PXDNL: variants seen among roughly 807,000 people sequenced by gnomAD.
PXDNL encodes the protein probable oxidoreductase PXDNL.
A neutral mutation model predicts 150.8 loss-of-function variants in PXDNL; 145 were observed. The ratio of observed to expected loss-of-function variants is 0.96; its 90% CI spans 0.84 to 1.10. PXDNL has a LOEUF of 1.10. Ranked by LOEUF, PXDNL falls within the 50% of genes least tolerant of loss-of-function variation. The probability of loss-of-function intolerance (pLI) is 0.00; values close to 1 mark genes in which losing one functional copy is unlikely to be tolerated. For missense variants in PXDNL, 2,087 were observed against 1,873.9 expected (o/e 1.11, Z -2.10); for synonymous variants, 757 against 725.7 (o/e 1.04, Z -0.69).
intron 17 of PXDNL, among the ~76,000 whole-genome samples, chr8:51,390,397 AG>A (rs1260114419): frequency 2.0e-5 from 3 of 152,182 alleles, no homozygotes; most frequent in Non-Finnish European, 2.9e-5. Context: ...AAGATCACAA[AG>A]TTAATTACTA....
chr8:51,465,124 C>A (rs573482263), intron 8 of PXDNL, among the ~76,000 whole-genome samples: 1 of 152,180 alleles, frequency 6.6e-6, no homozygotes, highest in East Asian at 1.9e-4. Context: ...GGGCCAGTAT[C>A]CCTGATAAAC....
chr8:51,573,569 T>A (rs1812989344), intron 3 of PXDNL, among the ~76,000 whole-genome samples: 1 of 151,942 alleles, frequency 6.6e-6, no homozygotes, highest in African/African-American at 2.4e-5. Flanking sequence ...GAGCCCGCAC[T>A]CCCAACTCCA....
At chr8:51,754,172 TCTTA>T (rs1379569320) in intron 1 of PXDNL, among the ~76,000 whole-genome samples, 1 of 152,318 alleles carries the variant, frequency 6.6e-6, no homozygotes, top group East Asian at 1.9e-4. Context: ...TAAAAGCAGT[TCTTA>T]CTTCACATAT....
chr8:51,749,395 G>A (rs1184323464), intron 1 of PXDNL, among the ~76,000 whole-genome samples: 1 of 152,100 alleles, frequency 6.6e-6, no homozygotes, highest in African/African-American at 2.4e-5. Context: ...TAGGCTATAT[G>A]GTATACCCAT....
intron 17 of PXDNL, among the ~76,000 whole-genome samples, chr8:51,399,515 G>T (rs985285834): frequency 1.3e-5 from 2 of 152,188 alleles, no homozygotes; most frequent in Non-Finnish European, 2.9e-5. Flanking sequence ...TGAAGTTCTA[G>T]AAGAGACAAA....
chr8:51,743,976 G>C (rs1166312992), intron 1 of PXDNL, among the ~76,000 whole-genome samples: 1 of 130,128 alleles, frequency 7.7e-6, no homozygotes, highest in Non-Finnish European at 1.7e-5. Flanking sequence ...AGAGAAAAAA[G>C]AAAGGAAGGA....
intron 10 of PXDNL, among the ~76,000 whole-genome samples, chr8:51,450,803 G>C (rs1809790098): frequency 6.6e-6 from 1 of 152,128 alleles, no homozygotes; most frequent in East Asian, 1.9e-4. Context: ...GCACAGATGA[G>C]AAAATTCAGA....
chr8:51,422,381 C>G (rs974101232), intron 14 of PXDNL, among the ~76,000 whole-genome samples: 4 of 152,106 alleles, frequency 2.6e-5, no homozygotes. Flanking sequence ...TTGGGGACCA[C>G]TGACCTAGGC....
intron 5 of PXDNL, among the ~76,000 whole-genome samples, chr8:51,491,255 C>T (rs978900315): frequency 9.2e-5 from 14 of 152,066 alleles, no homozygotes; most frequent in African/African-American, 3.4e-4. Flanking sequence ...AATAAACTCC[C>T]TTTTTTATAC....
In PXDNL at chr8:51,386,545, T is replaced by G. The variant is rs1037376693; in HGVS notation, c.3558-11814A>C. ...GTGATAGATGACTGATAAAGAGAGG[T>G]AGAGATGATATAGATAGATAAGAGA... On this transcript the variant is annotated intron_variant, in intron 17 of 22. Transcript: ENST00000356297. Among the ~76,000 whole-genome samples, 6 of 151,564 alleles carry G rather than the reference T, an allele frequency of 4.0e-5. No individual in the cohort carries two copies. The South Asian group carries it at 1.2e-3, about 32-fold the overall frequency.
At chr8:51,535,527 G>C (rs376191498) in intron 4 of PXDNL, among the ~76,000 whole-genome samples, 4,632 of 124,504 alleles carry the variant, frequency 0.037, 129 homozygotes, top group Non-Finnish European at 0.056. Context: ...CAGCATGCTC[G>C]TTAAGAGTCA....
intron 19 of PXDNL, among the ~76,000 whole-genome samples, chr8:51,348,261 T>C (rs1340972159): frequency 6.6e-6 from 1 of 152,212 alleles, no homozygotes; most frequent in Non-Finnish European, 1.5e-5. Context: ...TTTAGAAAGA[T>C]GAAGCTTTAG....
At chr8:51,324,403 G>T (rs7016775) in intron 21 of PXDNL, among the ~76,000 whole-genome samples, 1 of 151,968 alleles carries the variant, frequency 6.6e-6, no homozygotes, top group Admixed American at 6.5e-5. Context: ...TCACCATTCA[G>T]CATGTAAATG....
At chr8:51,700,769 TAC>T (rs1359966097) in intron 1 of PXDNL, among the ~76,000 whole-genome samples, 10 of 151,274 alleles carry the variant, frequency 6.6e-5, no homozygotes, top group Non-Finnish European at 1.3e-4. Flanking sequence ...CACACACATA[TAC>T]ACACATACAC....
intron 1 of PXDNL, among the ~76,000 whole-genome samples, chr8:51,794,304 A>T (rs1312815123): frequency 6.6e-6 from 1 of 152,150 alleles, no homozygotes; most frequent in African/African-American, 2.4e-5. Context: ...AAATTCAGGA[A>T]ATCCAGAGAA....
At chr8:51,717,879 G>A (rs1404083777) in intron 1 of PXDNL, among the ~76,000 whole-genome samples, 1 of 152,214 alleles carries the variant, frequency 6.6e-6, no homozygotes, top group Non-Finnish European at 1.5e-5. Flanking sequence ...ACCAGAGTCA[G>A]CTGCCACTCC....
chr8:51,558,488 GACTTCTA>G (rs1812642332), intron 3 of PXDNL, among the ~76,000 whole-genome samples: 1 of 152,018 alleles, frequency 6.6e-6, no homozygotes, highest in Non-Finnish European at 1.5e-5. Context: ...TAAAGAAGTT[GACTTCTA>G]CTGAGAGGCA....
rs1211116158 is a variant in PXDNL, at chr8:51,666,336, C to A, written c.165-11576G>T. On this transcript the variant is annotated intron_variant, in intron 1 of 22. Coordinates refer to ENST00000356297, the MANE Select transcript of PXDNL (RefSeq NM_144651.5). ...GAGCCCTCTTCCCTCTTCCCTTGAC[C>A]TTCCTTTAGCAATTCCATCCACTGT... is the stretch of plus-strand genomic sequence containing the variant. Among the ~76,000 whole-genome samples the A allele has an allele frequency of 2.0e-5, 3 of 152,110 alleles. No individual in the cohort carries two copies. In the East Asian group the frequency reaches 5.8e-4, roughly 29 times the overall value.
intron 2 of PXDNL, among the ~76,000 whole-genome samples, chr8:51,600,327 C>A (rs1383411892): frequency 1.6e-5 from 2 of 121,764 alleles, no homozygotes; most frequent in Non-Finnish European, 3.2e-5. Context: ...TAAATTATAT[C>A]TTATATAAAT....
Sources: allele counts gnomAD v4.1 joint callset (sites outside exome capture counted in the v4.1 genomes callset), GRCh38; gene constraint gnomAD v4.1.1; transcripts MANE v1.5; gene names NCBI Gene and HGNC (gene_info 2026-07-23, HGNC 2026-07-21).